EEF1AKMT2: variants seen among roughly 807,000 people sequenced by gnomAD.
EEF1AKMT2 encodes the protein eukaryotic translation elongation factor 1 alpha lysine methyltransferase 2.
EEF1AKMT2 carries 32 observed loss-of-function variants against 35.8 expected under a neutral mutation model. The ratio of observed to expected loss-of-function variants is 0.89; its 90% CI spans 0.67 to 1.20. The LOEUF (loss-of-function observed/expected upper bound fraction) is 1.20. Ranked by LOEUF, EEF1AKMT2 falls within the 50% of genes most tolerant of loss-of-function variation. EEF1AKMT2 has a pLI of 0.00. For synonymous variants in EEF1AKMT2, 121 were observed against 133.7 expected (o/e 0.91, Z 0.65); for missense variants, 330 against 347.5 (o/e 0.95, Z 0.40).
intron 4 of EEF1AKMT2, among the ~76,000 whole-genome samples, chr10:124,769,729 CTG>C: frequency 6.6e-6 from 1 of 151,170 alleles, no homozygotes; most frequent in Non-Finnish European, 1.5e-5. Flanking sequence ...GGTGGATCAC[CTG>C]AGGTCAGGAG....
At chr10:124,763,265 C>A (rs909945942) in intron 5 of EEF1AKMT2, among the ~76,000 whole-genome samples, 4 of 152,102 alleles carry the variant, frequency 2.6e-5, no homozygotes, top group Admixed American at 1.3e-4. Flanking sequence ...TTCCAGGTAA[C>A]CCTCACTAAA....
intron 4 of EEF1AKMT2, among the ~76,000 whole-genome samples, chr10:124,771,139 G>T (rs939322865): frequency 4.7e-5 from 7 of 148,770 alleles, no homozygotes; most frequent in Admixed American, 4.1e-4. Context: ...TTGCTCTGTC[G>T]CCCAGGCTGG....
intron 3 of EEF1AKMT2, among the ~76,000 whole-genome samples, chr10:124,783,848 G>A (rs1173648923): frequency 1.3e-5 from 2 of 151,696 alleles, no homozygotes; most frequent in South Asian, 2.1e-4. Context: ...TTTTGAGACA[G>A]AGTTTCACTC....
chr10:124,765,686 G>C (rs1334992237), intron 4 of EEF1AKMT2, 78 bp from the exon 5 acceptor site: 1 of 1,075,088 alleles, frequency 9.3e-7, no homozygotes, highest in Non-Finnish European at 1.3e-6. Flanking sequence ...CCTGTAAAAG[G>C]TTATTAATAA....
At chr10:124,775,053 C>T (rs1950477055) in intron 3 of EEF1AKMT2, among the ~76,000 whole-genome samples, 2 of 151,844 alleles carry the variant, frequency 1.3e-5, no homozygotes, top group Admixed American at 6.6e-5. Context: ...TATGTATAAG[C>T]CCTCAGGCAA....
At chr10:124,786,806 T>C (rs1422706813) in intron 3 of EEF1AKMT2, among the ~76,000 whole-genome samples, 1 of 150,308 alleles carries the variant, frequency 6.7e-6, no homozygotes, top group Non-Finnish European at 1.5e-5. Flanking sequence ...TGAAACTCCA[T>C]CTCAAAAAAA....
intron 3 of EEF1AKMT2, among the ~76,000 whole-genome samples, chr10:124,784,052 G>T (rs1165469334): frequency 6.6e-6 from 1 of 152,022 alleles, no homozygotes; most frequent in Non-Finnish European, 1.5e-5. Flanking sequence ...TTAAACTCCT[G>T]ACCTCAGGTG....
intron 4 of EEF1AKMT2, among the ~76,000 whole-genome samples, chr10:124,768,333 A>C (rs1449125124): frequency 6.6e-6 from 1 of 152,160 alleles, no homozygotes; most frequent in African/African-American, 2.4e-5. Flanking sequence ...CCAGGGCTGA[A>C]CACAGTGGCT....
rs1950304357 is a variant in EEF1AKMT2 at position 124,758,500 on chromosome 10, T to C, written c.*2003A>G. 1.8e-5 allele frequency: 2 copies of C among 110,406 alleles called. No individual in the cohort carries two copies. Among genetic ancestry groups the C allele is most frequent in the South Asian group, 7.2e-4 (2 of 2,796 alleles). The allele number at this position is 110,406 out of a possible 1,614,324, so 6.8% of individuals were successfully genotyped here. ...TTTCCTAACCTTATCAAAAGCTCTA[T>C]GGTTAAAAAAAAAAAAAAAAAGAAA... is the stretch of plus-strand genomic sequence containing the variant. On this transcript the variant is annotated 3_prime_UTR_variant, in exon 7 of 7. Coordinates refer to ENST00000368836, the MANE Select transcript of EEF1AKMT2 (RefSeq NM_212554.4).
Position 124,760,216 on chromosome 10 carries a change from CTTGA to C in EEF1AKMT2, c.*283_*286del. 2.4e-6 allele frequency: 1 copy of C among 413,614 alleles called. No homozygotes were observed. Among genetic ancestry groups the C allele is most frequent in the East Asian group, 3.4e-5 (1 of 29,314 alleles). The allele number at this position is 413,614 out of a possible 1,614,324, so 25.6% of individuals were successfully genotyped here. A position where few individuals can be genotyped will look rare whatever the true frequency, so the allele number is the denominator to read the frequency against. On this transcript the variant is annotated 3_prime_UTR_variant, in exon 7 of 7. Coordinates refer to ENST00000368836, the MANE Select transcript of EEF1AKMT2 (RefSeq NM_212554.4). ...AATACAAAAGAAAATTAAAATTATT[CTTGA>C]TTGATCTCTAAAACCCAACCACTTA... is the stretch of plus-strand genomic sequence containing the variant.
chr10:124,786,932 A>G (rs913546323), intron 3 of EEF1AKMT2, among the ~76,000 whole-genome samples: 8 of 152,318 alleles, frequency 5.3e-5, no homozygotes, highest in Non-Finnish European at 8.8e-5. Flanking sequence ...TAAAGAAAGA[A>G]TAAATGAAAC....
rs1463336698 is a variant in EEF1AKMT2, at chr10:124,789,091, A to G, written c.243T>C (p.Ala81=). The part of the protein sequence containing the change: ...WMQKHKIPLD[A]SVLDIGTGNG... The stretch of plus-strand genomic sequence containing the variant: ...TTCCAGTTCCAATATCAAGCACTGA[A>G]GCATCCAGTGGAATCTTGTGTTTCT... The change falls in exon 3 of 7, where the codon GCT becomes GCC. Residue 81 remains alanine, a synonymous_variant. Coordinates refer to ENST00000368836, the MANE Select transcript of EEF1AKMT2 (RefSeq NM_212554.4). 2 of 1,613,748 alleles carry G rather than the reference A, an allele frequency of 1.2e-6. No homozygotes were observed. Among genetic ancestry groups the G allele is most frequent in the Non-Finnish European group, 1.7e-6 (2 of 1,179,924 alleles).
intron 4 of EEF1AKMT2, among the ~76,000 whole-genome samples, chr10:124,768,804 A>G (rs895340532): frequency 2.0e-5 from 3 of 152,032 alleles, no homozygotes; most frequent in Admixed American, 6.6e-5. Context: ...AGAACATCAG[A>G]GCAGCATGAG....
chr10:124,770,204 G>T (rs1003091036), intron 4 of EEF1AKMT2, among the ~76,000 whole-genome samples: 1 of 151,994 alleles, frequency 6.6e-6, no homozygotes. Context: ...GGATCACAAG[G>T]TCAGGAGTTC....
intron 6 of EEF1AKMT2, 102 bp from the exon 7 acceptor site, chr10:124,760,605 C>T (rs1269703685): frequency 1.1e-6 from 1 of 870,780 alleles, no homozygotes; most frequent in Admixed American, 2.3e-5. Context: ...CTTTGTAAAA[C>T]TATGATTCCA....
At chr10:124,773,678 C>T (rs1310216591) in intron 4 of EEF1AKMT2, among the ~76,000 whole-genome samples, 1 of 152,118 alleles carries the variant, frequency 6.6e-6, no homozygotes, top group Non-Finnish European at 1.5e-5. Context: ...CACCATCTTA[C>T]GTGGGCACAG....
Position 124,762,460 on chromosome 10 carries a change from C to T in EEF1AKMT2, c.715G>A (p.Gly239Ser), listed in dbSNP as rs2134119362. The T allele has an allele frequency of 7.7e-7, 1 of 1,300,480 alleles. No individual in the cohort carries two copies. The highest frequency in any genetic ancestry group is 1.2e-5 in the South Asian group (1 of 80,656). The allele number at this position is 1,300,480 out of a possible 1,614,324, so 80.6% of individuals were successfully genotyped here. A position where few individuals can be genotyped will look rare whatever the true frequency, so the allele number is the denominator to read the frequency against. ...ATTATCCAGGCATGATGATGTGTGC[C>T]TGTAGTTCCACCTACTCGGGAGGCT... ...TSASRVGGTT[G>S]THHHAWIIFV... The change falls in exon 6 of 7, where the codon GGC becomes AGC. Residue 239 changes from glycine to serine, a missense_variant. By Grantham distance (56) the Gly-to-Ser change is moderately conservative. Coordinates refer to ENST00000368836, the MANE Select transcript of EEF1AKMT2 (RefSeq NM_212554.4).
At chr10:124,788,968 A>G in intron 3 of EEF1AKMT2, 75 bp downstream of exon 3, 1 of 891,808 alleles carries the variant, frequency 1.1e-6, no homozygotes, top group Admixed American at 2.0e-5. Context: ...GATGGTTAAT[A>G]TCCTCAATTG....
At chr10:124,790,002 C>A (rs1950620301) in intron 2 of EEF1AKMT2, among the ~76,000 whole-genome samples, 1 of 152,030 alleles carries the variant, frequency 6.6e-6, no homozygotes, top group Non-Finnish European at 1.5e-5. Flanking sequence ...AATGATTCCC[C>A]TGCCTCGGCC....
Sources: allele counts gnomAD v4.1 joint callset (sites outside exome capture counted in the v4.1 genomes callset), GRCh38; gene constraint gnomAD v4.1.1; transcripts MANE v1.5; gene names NCBI Gene and HGNC (gene_info 2026-07-23, HGNC 2026-07-21).